HHIPL1: variants seen among roughly 807,000 people sequenced by gnomAD.
HHIPL1 encodes HHIP like 1, also known as HHIP-like protein 1.
A neutral mutation model predicts 61.8 loss-of-function variants in HHIPL1; 43 were observed. That is an observed-to-expected ratio of 0.70 (90% confidence interval 0.55 to 0.90). The LOEUF is 0.90. HHIPL1 is among the 40% of genes least tolerant of loss of function. The probability of loss-of-function intolerance (pLI) is 0.00; values close to 1 mark genes in which losing one functional copy is unlikely to be tolerated. For synonymous variants in HHIPL1, 482 were observed against 515.8 expected (o/e 0.93, Z 0.89); for missense variants, 1,056 against 1,157.7 (o/e 0.91, Z 1.28).
At chr14:99,614,799 C>T in the HHIPL1 span, among the ~76,000 whole-genome samples, 1 of 152,120 alleles carries the variant, frequency 6.6e-6, no homozygotes, top group Non-Finnish European at 1.5e-5. Context: ...CGAGGGTTTC[C>T]GGAGGCCAGG....
intron 6 of HHIPL1, among the ~76,000 whole-genome samples, chr14:99,664,235 G>GC (rs1336642514): frequency 3.3e-5 from 5 of 152,170 alleles, no homozygotes; most frequent in African/African-American, 1.2e-4. Context: ...GGTGTCCCCT[G>GC]CCCGGCTCAG....
intron 6 of HHIPL1, among the ~76,000 whole-genome samples, chr14:99,664,518 C>G (rs550120789): frequency 1.3e-5 from 2 of 152,156 alleles, no homozygotes; most frequent in Non-Finnish European, 2.9e-5. Context: ...GGAGGAGGCA[C>G]CAGTGAGACT....
the HHIPL1 span, among the ~76,000 whole-genome samples, chr14:99,617,105 C>T: frequency 2.6e-5 from 4 of 152,136 alleles, no homozygotes; most frequent in African/African-American, 9.7e-5. Flanking sequence ...GAGCATTTGA[C>T]AACACTAGCA....
intron 6 of HHIPL1, among the ~76,000 whole-genome samples, chr14:99,666,829 C>G (rs2056253491): frequency 6.6e-6 from 1 of 152,160 alleles, no homozygotes; most frequent in African/African-American, 2.4e-5. Context: ...GGACTGGTGC[C>G]CCTGGGTTGG....
chr14:99,651,056 C>A (rs570952459), intron 1 of HHIPL1, among the ~76,000 whole-genome samples: 2 of 152,278 alleles, frequency 1.3e-5, no homozygotes, highest in South Asian at 4.1e-4. Context: ...CGAGAGCATC[C>A]TGGGCAACAT....
the HHIPL1 span, among the ~76,000 whole-genome samples, chr14:99,619,650 G>A: frequency 2.0e-5 from 3 of 152,014 alleles, no homozygotes; most frequent in African/African-American, 7.3e-5. Flanking sequence ...GTCAGAGTAG[G>A]GATCAGGCTG....
At chr14:99,640,025 G>C in the HHIPL1 span, among the ~76,000 whole-genome samples, 27,638 of 152,066 alleles carry the variant, frequency 0.18, 3,187 homozygotes, top group Non-Finnish European at 0.26. Context: ...CAATCATTCA[G>C]ATTTAAAGTG....
At position 99,652,827 on chromosome 14, in the gene HHIPL1, G is replaced by T; in HGVS notation, c.859G>T (p.Val287Phe). The T allele has an allele frequency of 6.2e-7, 1 of 1,614,120 alleles. No individual in the cohort carries two copies. Among genetic ancestry groups the T allele is most frequent in the Non-Finnish European group, 8.5e-7 (1 of 1,180,046 alleles). Reference protein sequence around the residue: ...SEWIRISEFRVSEDDENAVDH... With the variant: ...SEWIRISEFRFSEDDENAVDH... Reference sequence around the variant, plus strand: ...GTGGATCCGCATCAGCGAGTTCAGAGTCTCCGAGGATGACGAGAACGCCGT... The same window carrying T: ...GTGGATCCGCATCAGCGAGTTCAGATTCTCCGAGGATGACGAGAACGCCGT... The change falls in exon 2 of 9, where the codon GTC becomes TTC. Residue 287 changes from valine (V) to phenylalanine (F), a missense_variant. Physicochemically the swap from Val to Phe is conservative, Grantham distance 50. Transcript: ENST00000330710.
the HHIPL1 span, among the ~76,000 whole-genome samples, chr14:99,612,358 G>C: frequency 8.5e-5 from 13 of 152,072 alleles, no homozygotes; most frequent in Non-Finnish European, 1.6e-4. Flanking sequence ...AAGGCTTATC[G>C]GGCTCTCAGA....
the HHIPL1 span, among the ~76,000 whole-genome samples, chr14:99,623,869 A>T: frequency 2.0e-5 from 3 of 152,184 alleles, no homozygotes; most frequent in Admixed American, 6.5e-5. Context: ...GCTGCCGAGA[A>T]TTCCATCATC....
chr14:99,635,972 A>C, the HHIPL1 span, among the ~76,000 whole-genome samples: 1 of 152,116 alleles, frequency 6.6e-6, no homozygotes, highest in Non-Finnish European at 1.5e-5. Context: ...CTGCCCTGGG[A>C]GTCAGGAGCC....
rs181583389 is a variant in HHIPL1 at position 99,666,664 on chromosome 14, G to A, written c.1649-1558G>A. On this transcript the variant is annotated intron_variant, in intron 6 of 8. Coordinates refer to ENST00000330710, the MANE Select transcript of HHIPL1 (RefSeq NM_001127258.3). The stretch of plus-strand genomic sequence containing the variant: ...CTCCTGGTGGCTCACTCCAGAAAGA[G>A]GCCCAGAGGGGAGTGGACGGCCCAA... Among the ~76,000 whole-genome samples, 383 of 152,302 alleles carry A rather than the reference G, an allele frequency of 2.5e-3. 2 individuals are homozygous for A. Among genetic ancestry groups the A allele is most frequent in the Middle Eastern group, 0.01 (3 of 294 alleles).
At chr14:99,662,743 G>A in intron 5 of HHIPL1, 133 bp from the exon 6 acceptor site, 1 of 816,882 alleles carries the variant, frequency 1.2e-6, no homozygotes, top group Non-Finnish European at 1.9e-6. Context: ...TATGTAGATG[G>A]ATGGTGGAAG....
rs2056412688 is a variant in HHIPL1 at position 99,678,628 on chromosome 14, G to A, written c.*3002G>A. On this transcript the variant is annotated 3_prime_UTR_variant, in exon 9 of 9. Transcript: ENST00000330710. ...AGTAATGGAAGGATAAAGGAAAAGA[G>A]GAAGTTGCTTACGAAAGGACTTAGA... is the stretch of plus-strand genomic sequence containing the variant. 1 of 152,240 alleles carries A rather than the reference G, an allele frequency of 6.6e-6. No individual in the cohort carries two copies. The highest frequency in any genetic ancestry group is 1.5e-5 in the Non-Finnish European group (1 of 68,046). 9.4% of individuals were successfully genotyped at this position (152,240 alleles called of 1,614,324 possible).
intron 1 of HHIPL1, among the ~76,000 whole-genome samples, chr14:99,646,529 C>T (rs2055836301): frequency 6.6e-6 from 1 of 152,188 alleles, no homozygotes; most frequent in Non-Finnish European, 1.5e-5. Context: ...AATCCCAGCA[C>T]TTTGGGAGGC....
the HHIPL1 span, among the ~76,000 whole-genome samples, chr14:99,620,428 C>T: frequency 5.3e-5 from 8 of 152,352 alleles, no homozygotes; most frequent in Non-Finnish European, 8.8e-5. Context: ...GTGCCCTCCC[C>T]CTTTTTCTCG....
chr14:99,605,626 T>C, the HHIPL1 span, among the ~76,000 whole-genome samples: 1 of 152,118 alleles, frequency 6.6e-6, no homozygotes, highest in Non-Finnish European at 1.5e-5. Context: ...GGGAGCAGGA[T>C]GGGGAGAAGA....
At chr14:99,674,887 A>G (rs1342776273) in intron 8 of HHIPL1, among the ~76,000 whole-genome samples, 1 of 152,136 alleles carries the variant, frequency 6.6e-6, no homozygotes, top group Non-Finnish European at 1.5e-5. Flanking sequence ...CCAGGCCGGC[A>G]TCTTGCTGGG....
chr14:99,628,477 A>G, the HHIPL1 span, among the ~76,000 whole-genome samples: 1 of 150,850 alleles, frequency 6.6e-6, no homozygotes, highest in South Asian at 2.1e-4. Context: ...GCTACTTGGG[A>G]GGCTGAGGCA....
Sources: allele counts gnomAD v4.1 joint callset (sites outside exome capture counted in the v4.1 genomes callset), GRCh38; gene constraint gnomAD v4.1.1; transcripts MANE v1.5; gene names NCBI Gene and HGNC (gene_info 2026-07-23, HGNC 2026-07-21).